Variants in FRMD4A observed in about 807,000 individuals in gnomAD.
FRMD4A encodes the protein FERM domain-containing protein 4A.
In FRMD4A, 29 loss-of-function variants were observed where a neutral mutation model predicts 129.1. The observed-to-expected ratio is 0.22, with a 90% CI of 0.17 to 0.31. FRMD4A has a LOEUF of 0.31. FRMD4A is among the 10% of genes least tolerant of loss of function. FRMD4A has a pLI of 1.00. For synonymous variants in FRMD4A, 634 were observed against 571.6 expected, an observed-to-expected ratio of 1.11 and a Z score of -1.56; for missense variants, 1,272 against 1,375.8, an observed-to-expected ratio of 0.92 and a Z score of 1.19.
chr10:13,711,731 C>T (rs1321013582), intron 12 of FRMD4A, among the ~76,000 whole-genome samples: 1 of 152,232 alleles, frequency 6.6e-6, no homozygotes, highest in African/African-American at 2.4e-5. Context: ...GCCCTGCAAA[C>T]ATCGTTCCTT....
intron 2 of FRMD4A, among the ~76,000 whole-genome samples, chr10:14,017,385 T>G (rs1270908034): frequency 6.6e-6 from 1 of 152,222 alleles, no homozygotes; most frequent in African/African-American, 2.4e-5. Context: ...TAATTGCACC[T>G]GGAATGGCAA....
At chr10:14,034,180 C>T (rs1161916263) in intron 2 of FRMD4A, among the ~76,000 whole-genome samples, 1 of 152,288 alleles carries the variant, frequency 6.6e-6, no homozygotes, top group East Asian at 1.9e-4. Context: ...GCACTGTGTA[C>T]CCTGCCTTTC....
intron 5 of FRMD4A, among the ~76,000 whole-genome samples, chr10:13,787,881 A>G (rs1041626239): frequency 7.2e-5 from 11 of 151,996 alleles, no homozygotes; most frequent in Admixed American, 1.3e-4. Context: ...AAAAAAGAAA[A>G]AAAAAAAAAG....
chr10:14,109,987 C>CA lies in FRMD4A; in HGVS notation c.45+220070dup, dbSNP rs113296482. 6.3e-3 allele frequency among the ~76,000 whole-genome samples: 735 copies of CA among 117,452 alleles called. 4 individuals carry two copies. Among genetic ancestry groups the CA allele is most frequent in the African/African-American group, 0.015 (467 of 31,570 alleles). The allele number at this position is 117,452 out of a possible 152,430, so 77.1% of individuals were successfully genotyped here. A position where few individuals can be genotyped will look rare whatever the true frequency, so the allele number is the denominator to read the frequency against. Reference sequence around the variant, plus strand: ...CTCCGTCTCCCTCCCCCAAACCCACCAAAAAAAAAAAAAAGTAAAAAAGGT... The same window carrying CA: ...CTCCGTCTCCCTCCCCCAAACCCACCAAAAAAAAAAAAAAAGTAAAAAAGGT... On this transcript the variant is annotated intron_variant, in intron 2 of 24. Transcript: ENST00000357447.
At chr10:13,752,364 C>G (rs188865282) in intron 8 of FRMD4A, among the ~76,000 whole-genome samples, 1 of 152,052 alleles carries the variant, frequency 6.6e-6, no homozygotes, top group African/African-American at 2.4e-5. Flanking sequence ...AACCAAGATG[C>G]CACAAAGTGA....
At chr10:13,930,859 G>A (rs956900789) in intron 2 of FRMD4A, among the ~76,000 whole-genome samples, 9 of 152,036 alleles carry the variant, frequency 5.9e-5, no homozygotes, top group Non-Finnish European at 1.0e-4. Flanking sequence ...TTAAGTCGGT[G>A]TCTTGCTCTG....
intron 8 of FRMD4A, among the ~76,000 whole-genome samples, chr10:13,760,036 AGAAAC>A (rs2092009368): frequency 1.3e-5 from 2 of 152,088 alleles, no homozygotes; most frequent in Admixed American, 1.3e-4. Flanking sequence ...GATTGGAAAA[AGAAAC>A]CAAAAGAAGA....
rs572242305 is a variant in FRMD4A at position 13,890,794 on chromosome 10, G to C, written c.46-31882C>G. ...TTCTCAGCAAGCTGCACTTCCCGGG[G>C]GGCTGGCATGGCTGCATCGTTCAGA... is the stretch of plus-strand genomic sequence containing the variant. On this transcript the variant is annotated intron_variant, in intron 2 of 24. Transcript: ENST00000357447. 1.2e-5 allele frequency: 12 copies of C among 985,370 alleles called. No homozygotes were observed. The South Asian group carries it at 5.6e-4, about 46-fold the overall frequency. 61.0% of individuals were successfully genotyped at this position (985,370 alleles called of 1,614,324 possible).
rs1218867377 is a variant in FRMD4A, at chr10:14,209,597, T to C, written c.45+120461A>G. Among the ~76,000 whole-genome samples the C allele has an allele frequency of 2.6e-5, 4 of 151,848 alleles. No homozygotes were observed. The East Asian group carries it at 7.8e-4, about 30-fold the overall frequency. The stretch of plus-strand genomic sequence containing the variant: ...TTAGCCGGGCATGGTGGTGGGCACC[T>C]ATAGTCCCAATTACTCGGGAGGCTG... On this transcript the variant is annotated intron_variant, in intron 2 of 24. Transcript: ENST00000357447.
At chr10:13,844,730 G>C (rs2094018107) in intron 3 of FRMD4A, among the ~76,000 whole-genome samples, 7 of 152,176 alleles carry the variant, frequency 4.6e-5, no homozygotes, top group Admixed American at 4.6e-4. Context: ...CCAGGGAATG[G>C]TCAAAGATCA....
chr10:13,660,307 G>T lies in FRMD4A; in HGVS notation c.1898+9C>A. On this transcript the variant is annotated intron_variant, in intron 20 of 24. Transcript: ENST00000357447. ...GGCCTCATTTGGCCTCATTCACGATGCAGCTCACCTGGAATGGCTGTGAGA... is the reference window on the plus strand; with the variant it reads ...GGCCTCATTTGGCCTCATTCACGATTCAGCTCACCTGGAATGGCTGTGAGA... 1 of 1,575,758 alleles carries T rather than the reference G, an allele frequency of 6.3e-7. No individual in the cohort carries two copies. Among genetic ancestry groups the T allele is most frequent in the Non-Finnish European group, 8.7e-7 (1 of 1,145,054 alleles).
chr10:14,240,110 C>A (rs942907171), intron 2 of FRMD4A, among the ~76,000 whole-genome samples: 3 of 152,154 alleles, frequency 2.0e-5, no homozygotes, highest in African/African-American at 7.2e-5. Context: ...CTAGAGTCAC[C>A]ATCCCAATAC....
chr10:14,311,771 T>C (rs1240971902), intron 2 of FRMD4A, among the ~76,000 whole-genome samples: 1 of 152,096 alleles, frequency 6.6e-6, no homozygotes, highest in Admixed American at 6.6e-5. Flanking sequence ...ACGACTCCTA[T>C]GCAAAGTGAT....
chr10:13,738,629 C>CTT (rs36097311), intron 11 of FRMD4A, among the ~76,000 whole-genome samples: 13 of 151,146 alleles, frequency 8.6e-5, no homozygotes, highest in Admixed American at 4.6e-4. Flanking sequence ...CTGTTTATTC[C>CTT]TTTTTTTTTG....
At chr10:14,189,194 A>G (rs1456787070) in intron 2 of FRMD4A, among the ~76,000 whole-genome samples, 2 of 152,212 alleles carry the variant, frequency 1.3e-5, no homozygotes, top group African/African-American at 4.8e-5. Context: ...AGCTCCAAAC[A>G]TGCCTACATC....
chr10:14,202,560 C>T (rs1000016771), intron 2 of FRMD4A, among the ~76,000 whole-genome samples: 3 of 152,060 alleles, frequency 2.0e-5, no homozygotes, highest in Admixed American at 2.0e-4. Flanking sequence ...AGCACCACCC[C>T]CGGCTAATTT....
intron 2 of FRMD4A, among the ~76,000 whole-genome samples, chr10:14,098,638 G>C (rs1379773460): frequency 2.0e-5 from 3 of 152,022 alleles, no homozygotes; most frequent in African/African-American, 4.8e-5. Flanking sequence ...TCAATCTCCT[G>C]ACCCCGTGAT....
chr10:13,668,828 G>T (rs1010899385), intron 17 of FRMD4A, among the ~76,000 whole-genome samples: 2 of 152,106 alleles, frequency 1.3e-5, no homozygotes, highest in Admixed American at 1.3e-4. Context: ...GCAGGATTTG[G>T]AAATACCCGA....
intron 2 of FRMD4A, among the ~76,000 whole-genome samples, chr10:14,174,562 A>ATTCATTCATTCG (rs943829877): frequency 6.6e-6 from 1 of 150,998 alleles, no homozygotes; most frequent in African/African-American, 2.4e-5. Flanking sequence ...TCATTCATTC[A>ATTCATTCATTCG]TTCGTTCATC....
Sources: allele counts gnomAD v4.1 joint callset (sites outside exome capture counted in the v4.1 genomes callset), GRCh38; gene constraint gnomAD v4.1.1; transcripts MANE v1.5; gene names NCBI Gene and HGNC (gene_info 2026-07-23, HGNC 2026-07-21).